The following DST variants were observed in gnomAD, a reference collection of about 807,000 sequenced individuals.
DST encodes dystonin.
DST carries 253 observed loss-of-function variants against 875.2 expected under a neutral mutation model. The ratio of observed to expected loss-of-function variants is 0.29; its 90% CI spans 0.26 to 0.32. The LOEUF (loss-of-function observed/expected upper bound fraction) is 0.32, where lower values mean the gene tolerates loss of function less well. DST is among the 10% of genes least tolerant of loss of function. The probability of loss-of-function intolerance (pLI) is 1.00; values close to 1 mark genes in which losing one functional copy is unlikely to be tolerated. For missense variants in DST, 8,287 were observed against 9,111.6 expected (o/e 0.91, Z 3.68); for synonymous variants, 3,124 against 3,197.1 (o/e 0.98, Z 0.77).
chr6:56,462,973 T>G lies in DST; in HGVS notation c.23070+73A>C. On this transcript the variant is annotated intron_variant, in intron 102 of 103. Transcript: ENST00000680361. ...CAAAGTACATATATTTAGGGAGTGG[T>G]GCAACGATGTTAGTGAGTGATAGCT... 3.7e-6 allele frequency: 3 copies of G among 814,022 alleles called. No individual in the cohort carries two copies. In the South Asian group the frequency reaches 5.3e-5, roughly 14 times the overall value. 50.4% of individuals were successfully genotyped at this position (814,022 alleles called of 1,614,324 possible). A position where few individuals can be genotyped will look rare whatever the true frequency, so the allele number is the denominator to read the frequency against.
intron 9 of DST, among the ~76,000 whole-genome samples, chr6:56,678,735 T>C (rs1317206292): frequency 6.6e-6 from 1 of 152,146 alleles, no homozygotes; most frequent in Admixed American, 6.5e-5. Flanking sequence ...CCTGTCCCCC[T>C]CTACCAGAGA....
intron 49 of DST, among the ~76,000 whole-genome samples, chr6:56,586,091 T>C (rs1585710322): frequency 6.6e-6 from 1 of 152,092 alleles, no homozygotes. Flanking sequence ...GGGTGGAGAG[T>C]TCTGCAGATG....
chr6:56,915,872 T>C (rs1248270296), intron 2 of DST, among the ~76,000 whole-genome samples: 1 of 152,206 alleles, frequency 6.6e-6, no homozygotes, highest in East Asian at 1.9e-4. Flanking sequence ...ACGATAGCCA[T>C]ATCAATAGCA....
At chr6:56,523,876 A>G (rs1303519829) in intron 69 of DST, among the ~76,000 whole-genome samples, 1 of 152,110 alleles carries the variant, frequency 6.6e-6, no homozygotes, top group Non-Finnish European at 1.5e-5. Context: ...AATAAAACAA[A>G]TTGCATATGA....
At position 56,542,065 on chromosome 6, in the gene DST, A is replaced by G. The variant is rs190883059; in HGVS notation, c.16609-5125T>C. 5.3e-5 allele frequency among the ~76,000 whole-genome samples: 8 copies of G among 152,310 alleles called. No individual in the cohort carries two copies. The East Asian group carries it at 1.5e-3, about 29-fold the overall frequency. ...CTGGTTAACTGTAATCCACTTAAAG[A>G]TGGCTTGCAGAACTCCACCATTCTG... On this transcript the variant is annotated intron_variant, in intron 61 of 103. Transcript: ENST00000680361.
At chr6:56,918,053 G>T (rs1262597932) in intron 2 of DST, among the ~76,000 whole-genome samples, 1 of 151,916 alleles carries the variant, frequency 6.6e-6, no homozygotes, top group Non-Finnish European at 1.5e-5. Flanking sequence ...CAACAAAAAT[G>T]GGATCTTGTT....
intron 17 of DST, 76 bp from the exon 18 acceptor site, chr6:56,640,681 T>G (rs1057105712): frequency 2.6e-6 from 3 of 1,148,986 alleles, no homozygotes; most frequent in Non-Finnish European, 3.9e-6. Context: ...ATGTTAATTA[T>G]AGGTTTTAGT....
At chr6:56,658,165 C>T (rs1056670272) in intron 10 of DST, among the ~76,000 whole-genome samples, 1 of 152,118 alleles carries the variant, frequency 6.6e-6, no homozygotes, top group African/African-American at 2.4e-5. Context: ...TGGGTTCAAG[C>T]GATCCTCCTG....
rs192823923 is a variant in DST at position 56,711,158 on chromosome 6, C to G, written c.688-6789G>C. Among the ~76,000 whole-genome samples, 86 of 152,038 alleles carry G rather than the reference C, an allele frequency of 5.7e-4. 1 individual carries two copies. Among genetic ancestry groups the G allele is most frequent in the African/African-American group, 2.0e-3 (83 of 41,492 alleles). On this transcript the variant is annotated intron_variant, in intron 5 of 103. Coordinates refer to ENST00000680361, the MANE Select transcript of DST (RefSeq NM_001374736.1). ...CAATTAAAATGCAAAAACTGAATGG[C>G]CTTTCCTAGTCTTTCACCACAAGGT...
chr6:56,755,730 C>T (rs2099600738), intron 4 of DST, among the ~76,000 whole-genome samples: 2 of 152,294 alleles, frequency 1.3e-5, no homozygotes, highest in South Asian at 4.1e-4. Context: ...TTCCCATTTT[C>T]TCTTTTGCCT....
At chr6:56,706,108 G>T (rs1240566531) in intron 5 of DST, among the ~76,000 whole-genome samples, 1 of 152,190 alleles carries the variant, frequency 6.6e-6, no homozygotes, top group African/African-American at 2.4e-5. Context: ...GAGGTCAGGA[G>T]TTCGAGACCA....
At chr6:56,694,049 A>C (rs1228751140) in intron 9 of DST, among the ~76,000 whole-genome samples, 1 of 149,476 alleles carries the variant, frequency 6.7e-6, no homozygotes, top group Non-Finnish European at 1.5e-5. Context: ...ATATATATAT[A>C]TATACATATA....
At chr6:56,548,867 G>A (rs534500652) in intron 61 of DST, among the ~76,000 whole-genome samples, 44 of 152,234 alleles carry the variant, frequency 2.9e-4, no homozygotes, top group Non-Finnish European at 4.6e-4. Flanking sequence ...GTTTTAAAAC[G>A]TCAAGCTAAC....
At chr6:56,470,079 T>C (rs2094807773) in intron 96 of DST, 49 bp downstream of exon 96, 8 of 1,607,180 alleles carry the variant, frequency 5.0e-6, no homozygotes, top group Non-Finnish European at 6.8e-6. Context: ...CATGATATCG[T>C]GGCAGAACAT....
intron 2 of DST, among the ~76,000 whole-genome samples, chr6:56,940,205 C>T (rs938106751): frequency 0.016 from 2,432 of 148,942 alleles, 66 homozygotes; most frequent in African/African-American, 0.055. Context: ...CACACACACA[C>T]ACACACACAC....
At chr6:56,945,037 G>T (rs1818728734) in intron 2 of DST, among the ~76,000 whole-genome samples, 1 of 152,110 alleles carries the variant, frequency 6.6e-6, no homozygotes, top group Non-Finnish European at 1.5e-5. Flanking sequence ...CAAATATACT[G>T]AAAATGACAT....
chr6:56,591,063 GTAA>G (rs1177764409), intron 49 of DST, among the ~76,000 whole-genome samples: 1 of 152,214 alleles, frequency 6.6e-6, no homozygotes, highest in African/African-American at 2.4e-5. Context: ...AGCTGTAGCA[GTAA>G]TAACCTACTA....
intron 72 of DST, among the ~76,000 whole-genome samples, chr6:56,511,796 A>C (rs1186008947): frequency 1.3e-5 from 2 of 152,104 alleles, no homozygotes; most frequent in Non-Finnish European, 1.5e-5. Context: ...TCCTTTCTGC[A>C]CACTCATGAT....
intron 4 of DST, among the ~76,000 whole-genome samples, chr6:56,813,319 G>T (rs937858039): frequency 6.7e-6 from 1 of 150,124 alleles, no homozygotes; most frequent in African/African-American, 2.5e-5. Flanking sequence ...CACCAGCATG[G>T]CACATGTACA....
Sources: gnomAD v4.1 joint callset for allele counts (sites outside exome capture counted in the v4.1 genomes callset) on GRCh38, gnomAD v4.1.1 for gene constraint, MANE v1.5 for transcripts, NCBI Gene and HGNC (gene_info 2026-07-23, HGNC 2026-07-21) for gene names.